The following SLC9A9 variants were observed in gnomAD, a reference collection of about 807,000 sequenced individuals.
SLC9A9 encodes sodium/hydrogen exchanger 9.
A neutral mutation model predicts 77.8 loss-of-function variants in SLC9A9; 62 were observed. The ratio of observed to expected loss-of-function variants is 0.80; its 90% confidence interval spans 0.65 to 0.98. SLC9A9 has a LOEUF of 0.98. SLC9A9 is among the 50% of genes least tolerant of loss of function. The pLI, the probability that SLC9A9 is intolerant of heterozygous loss-of-function variation, is 0.00. For synonymous variants in SLC9A9, 320 were observed against 283.5 expected (o/e 1.13, Z -1.29); for missense variants, 775 against 774.9 (o/e 1.00, Z 0.00).
At chr3:143,310,475 C>A (rs764319011) in intron 14 of SLC9A9, among the ~76,000 whole-genome samples, 2 of 148,712 alleles carry the variant, frequency 1.3e-5, no homozygotes, top group Non-Finnish European at 3.0e-5. Context: ...GTGCACAAAG[C>A]GAAATGCAGG....
rs1401171041 is a variant in SLC9A9, at chr3:143,848,232, G to A, written c.91C>T (p.Leu31Phe). 4 of 1,613,954 alleles carry A rather than the reference G, an allele frequency of 2.5e-6. No homozygotes were observed. Among genetic ancestry groups the A allele is most frequent in the Admixed American group, 1.7e-5 (1 of 59,982 alleles). ...AVELLVFNFL[L>F]ILTILTIWLF... ...CAGATTGTCAAAATGGTAAGGATGA[G>A]CAAAAAATTGAAGACAAGCAGCTCC... The change falls in exon 1 of 16, where the codon CTC becomes TTC. Residue 31 changes from leucine to phenylalanine, a missense_variant. Coordinates refer to ENST00000316549, the MANE Select transcript of SLC9A9 (RefSeq NM_173653.4).
intron 13 of SLC9A9, among the ~76,000 whole-genome samples, chr3:143,372,458 TA>T (rs1433687305): frequency 6.6e-6 from 1 of 150,630 alleles, no homozygotes; most frequent in African/African-American, 2.4e-5. Context: ...TCTCACCTTA[TA>T]AAAAAAAACT....
chr3:143,701,763 C>T (rs1194649858), intron 4 of SLC9A9, among the ~76,000 whole-genome samples: 1 of 152,038 alleles, frequency 6.6e-6, no homozygotes, highest in East Asian at 1.9e-4. Flanking sequence ...AAGGCTAATA[C>T]AGAACTTGCA....
At chr3:143,771,956 G>A (rs753686661) in intron 4 of SLC9A9, among the ~76,000 whole-genome samples, 33 of 152,014 alleles carry the variant, frequency 2.2e-4, no homozygotes, top group African/African-American at 2.9e-4. Context: ...TGCTCAGGAC[G>A]GTCAGAGGGT....
chr3:143,265,827 C>T lies in SLC9A9; in HGVS notation c.*875G>A, dbSNP rs1448091237. ...TGGAGGACAGGTTGGGGCTCCTGCACAGTCTGCTGCCAGGTAGAGAGCAAC... is the reference window on the plus strand; with the variant it reads ...TGGAGGACAGGTTGGGGCTCCTGCATAGTCTGCTGCCAGGTAGAGAGCAAC... On this transcript the variant is annotated 3_prime_UTR_variant, in exon 16 of 16. Coordinates refer to ENST00000316549, the MANE Select transcript of SLC9A9 (RefSeq NM_173653.4). 8 of 586,230 alleles carry T rather than the reference C, an allele frequency of 1.4e-5. No individual in the cohort carries two copies. Among genetic ancestry groups the T allele is most frequent in the Non-Finnish European group, 2.1e-5 (7 of 329,254 alleles). The allele number at this position is 586,230 out of a possible 1,614,324, so 36.3% of individuals were successfully genotyped here.
At chr3:143,316,932 C>G (rs892640323) in intron 14 of SLC9A9, among the ~76,000 whole-genome samples, 4 of 152,066 alleles carry the variant, frequency 2.6e-5, no homozygotes, top group Non-Finnish European at 5.9e-5. Flanking sequence ...CACATGATCA[C>G]ACAGATACTA....
chr3:143,526,460 T>C (rs1009747614), intron 9 of SLC9A9, among the ~76,000 whole-genome samples: 2 of 152,156 alleles, frequency 1.3e-5, no homozygotes, highest in African/African-American at 4.8e-5. Flanking sequence ...CAAGCTAATA[T>C]ACTTACTTCC....
At chr3:143,529,065 C>A (rs2036458441) in intron 9 of SLC9A9, among the ~76,000 whole-genome samples, 1 of 152,164 alleles carries the variant, frequency 6.6e-6, no homozygotes, top group African/African-American at 2.4e-5. Flanking sequence ...GGAGACAGAG[C>A]TGCAGATGAG....
At chr3:143,608,529 A>G (rs1347956662) in intron 6 of SLC9A9, among the ~76,000 whole-genome samples, 1 of 152,198 alleles carries the variant, frequency 6.6e-6, no homozygotes, top group African/African-American at 2.4e-5. Flanking sequence ...AAGGACCACC[A>G]CGGTGGGCTT....
chr3:143,554,565 C>T (rs559567864), intron 8 of SLC9A9, among the ~76,000 whole-genome samples: 1 of 152,188 alleles, frequency 6.6e-6, no homozygotes, highest in South Asian at 2.1e-4. Context: ...AACTGGCCTC[C>T]CTGCCTCCCA....
intron 2 of SLC9A9, among the ~76,000 whole-genome samples, chr3:143,814,572 G>A (rs1343690757): frequency 6.6e-6 from 1 of 152,222 alleles, no homozygotes; most frequent in African/African-American, 2.4e-5. Context: ...AACACAGGAT[G>A]CTGAGTGAAA....
At chr3:143,700,682 G>T (rs955685948) in intron 4 of SLC9A9, among the ~76,000 whole-genome samples, 1 of 152,216 alleles carries the variant, frequency 6.6e-6, no homozygotes, top group African/African-American at 2.4e-5. Flanking sequence ...TAAGGATTTT[G>T]ACTCTAGTAC....
chr3:143,747,760 C>T (rs557272817), intron 4 of SLC9A9, among the ~76,000 whole-genome samples: 1 of 152,320 alleles, frequency 6.6e-6, no homozygotes, highest in South Asian at 2.1e-4. Context: ...ACTTTGGCCT[C>T]CAGAACTGGA....
chr3:143,792,771 AC>A (rs2008261618), intron 4 of SLC9A9, among the ~76,000 whole-genome samples: 1 of 152,100 alleles, frequency 6.6e-6, no homozygotes, highest in Non-Finnish European at 1.5e-5. Context: ...CTCTACATTT[AC>A]CTTTTCTGCC....
intron 11 of SLC9A9, among the ~76,000 whole-genome samples, chr3:143,472,227 A>C (rs1348421057): frequency 1.3e-5 from 2 of 152,096 alleles, no homozygotes; most frequent in Non-Finnish European, 2.9e-5. Context: ...TACAAACATG[A>C]CTCTTTTAAA....
chr3:143,792,774 T>A (rs1341977686), intron 4 of SLC9A9, among the ~76,000 whole-genome samples: 1 of 152,186 alleles, frequency 6.6e-6, no homozygotes, highest in Non-Finnish European at 1.5e-5. Flanking sequence ...TACATTTACC[T>A]TTTCTGCCAC....
intron 6 of SLC9A9, among the ~76,000 whole-genome samples, chr3:143,633,372 C>G (rs546149622): frequency 6.6e-6 from 1 of 152,074 alleles, no homozygotes; most frequent in Non-Finnish European, 1.5e-5. Context: ...ATATGCATTG[C>G]TATACAGATA....
intron 5 of SLC9A9, among the ~76,000 whole-genome samples, chr3:143,659,848 T>C (rs1013407056): frequency 2.6e-5 from 4 of 152,196 alleles, no homozygotes; most frequent in Non-Finnish European, 5.9e-5. Context: ...CCACATGTCA[T>C]GGAAGGGACC....
chr3:143,439,543 A>C (rs1488763183), intron 12 of SLC9A9, among the ~76,000 whole-genome samples: 1 of 152,190 alleles, frequency 6.6e-6, no homozygotes, highest in Admixed American at 6.5e-5. Flanking sequence ...ATCCTGAGCC[A>C]TGGGGGCTTT....
Sources: gnomAD v4.1 joint callset for allele counts (sites outside exome capture counted in the v4.1 genomes callset) on GRCh38, gnomAD v4.1.1 for gene constraint, MANE v1.5 for transcripts, NCBI Gene and HGNC (gene_info 2026-07-23, HGNC 2026-07-21) for gene names.